SV2C: variants seen among roughly 807,000 people sequenced by gnomAD.
The protein encoded by SV2C is solute carrier family 22 member B3.
In SV2C, 49 loss-of-function variants were observed where a neutral mutation model predicts 79.7. That is an observed-to-expected ratio of 0.61 (90% confidence interval 0.49 to 0.78). SV2C has a LOEUF of 0.78. SV2C is among the 30% of genes least tolerant of loss of function. The probability of loss-of-function intolerance (pLI) is 0.00; values close to 1 mark genes in which losing one functional copy is unlikely to be tolerated. For synonymous variants in SV2C, 334 were observed against 333.2 expected, an observed-to-expected ratio of 1.00 and a Z score of -0.03; for missense variants, 833 against 912.9, an observed-to-expected ratio of 0.91 and a Z score of 1.13.
At chr5:75,994,606 GA>G in the SV2C span, among the ~76,000 whole-genome samples, 1 of 152,192 alleles carries the variant, frequency 6.6e-6, no homozygotes, top group East Asian at 1.9e-4. Flanking sequence ...CTTTTTAACT[GA>G]AGGAATATTT....
chr5:76,309,311 A>G (rs1748321892), intron 12 of SV2C, among the ~76,000 whole-genome samples: 1 of 152,078 alleles, frequency 6.6e-6, no homozygotes, highest in South Asian at 2.1e-4. Flanking sequence ...CTTAAGTTGT[A>G]GGTTGGAGGC....
chr5:76,090,550 G>T (rs1747340951), intron 1 of SV2C, among the ~76,000 whole-genome samples: 2 of 152,014 alleles, frequency 1.3e-5, no homozygotes, highest in Admixed American at 1.3e-4. Context: ...AGTGTGTTCA[G>T]ACCTTTAGAT....
chr5:76,336,404 C>T (rs2112581843), downstream of SV2C, among the ~76,000 whole-genome samples: 1 of 151,620 alleles, frequency 6.6e-6, no homozygotes, highest in African/African-American at 2.4e-5. Flanking sequence ...TCCTCACCCT[C>T]CAGACTGGGC....
chr5:75,956,681 T>C, the SV2C span, among the ~76,000 whole-genome samples: 1 of 151,966 alleles, frequency 6.6e-6, no homozygotes, highest in Non-Finnish European at 1.5e-5. Context: ...GCAAGTATAC[T>C]ACACCAAAGT....
intron 4 of SV2C, among the ~76,000 whole-genome samples, chr5:76,255,548 G>T (rs1378353404): frequency 1.3e-5 from 2 of 152,076 alleles, no homozygotes; most frequent in African/African-American, 2.4e-5. Flanking sequence ...TGGTCCTTTG[G>T]CCCCACTGTC....
At chr5:75,956,188 C>A in the SV2C span, among the ~76,000 whole-genome samples, 1 of 143,466 alleles carries the variant, frequency 7.0e-6, no homozygotes, top group African/African-American at 2.5e-5. Flanking sequence ...AAATGTGGCA[C>A]ATATACACCA....
the SV2C span, among the ~76,000 whole-genome samples, chr5:76,050,477 G>T: frequency 6.6e-6 from 1 of 152,260 alleles, no homozygotes; most frequent in East Asian, 1.9e-4. Context: ...TAACAACAAG[G>T]TTCCCCCACA....
At chr5:76,248,743 A>G (rs1746023453) in intron 4 of SV2C, among the ~76,000 whole-genome samples, 1 of 151,534 alleles carries the variant, frequency 6.6e-6, no homozygotes. Context: ...CTCAGCCTCC[A>G]AAGTAGCTGG....
intron 1 of SV2C, among the ~76,000 whole-genome samples, chr5:76,094,393 AT>A (rs1459922038): frequency 1.3e-5 from 2 of 152,208 alleles, no homozygotes; most frequent in African/African-American, 4.8e-5. Flanking sequence ...TATACTTGAA[AT>A]TCAAATAAAA....
the SV2C span, among the ~76,000 whole-genome samples, chr5:75,868,593 AG>A: frequency 6.6e-6 from 1 of 152,234 alleles, no homozygotes; most frequent in Non-Finnish European, 1.5e-5. Context: ...AAACTAACTA[AG>A]AAAACCCAAA....
At chr5:76,033,151 TTTGTCAGATGAGTAGG>T in the SV2C span, among the ~76,000 whole-genome samples, 90 of 152,288 alleles carry the variant, frequency 5.9e-4, no homozygotes, top group Middle Eastern at 3.4e-3. Context: ...ATATTAGCCC[TTTGTCAGATGAGTAGG>T]TTGCAAAAAT....
At chr5:76,248,244 T>C (rs1384997232) in intron 4 of SV2C, among the ~76,000 whole-genome samples, 1 of 152,186 alleles carries the variant, frequency 6.6e-6, no homozygotes, top group Non-Finnish European at 1.5e-5. Flanking sequence ...ACTGGGTGGC[T>C]TCAACTGCAG....
chr5:76,205,997 G>C (rs1744597049), intron 3 of SV2C, among the ~76,000 whole-genome samples: 1 of 152,100 alleles, frequency 6.6e-6, no homozygotes, highest in Non-Finnish European at 1.5e-5. Flanking sequence ...TGATACATGG[G>C]AATTTAAGGA....
upstream of SV2C, among the ~76,000 whole-genome samples, chr5:76,082,989 G>C (rs774549121): frequency 1.8e-4 from 27 of 152,194 alleles, no homozygotes; most frequent in Non-Finnish European, 3.4e-4. Context: ...GACCTGACCC[G>C]GGGCGCCGCC....
chr5:76,184,627 G>A lies in SV2C; in HGVS notation c.581-10292G>A, dbSNP rs190384097. 3.1e-3 allele frequency among the ~76,000 whole-genome samples: 471 copies of A among 152,314 alleles called. 3 individuals are homozygous for A. The highest frequency in any genetic ancestry group is 4.9e-3 in the Non-Finnish European group (336 of 68,030). On this transcript the variant is annotated intron_variant, in intron 2 of 12. Transcript: ENST00000502798. ...GCAGGAGAGAGAATGAGTGCTGAGCGAAGGGGGGAAGCCCCTTGTAAAACT... is the reference window on the plus strand; with the variant it reads ...GCAGGAGAGAGAATGAGTGCTGAGCAAAGGGGGGAAGCCCCTTGTAAAACT...
the SV2C span, among the ~76,000 whole-genome samples, chr5:75,897,431 C>G: frequency 6.6e-6 from 1 of 151,648 alleles, no homozygotes; most frequent in South Asian, 2.1e-4. Context: ...ATCTATATCT[C>G]TGTTTTAGTA....
At chr5:76,306,804 C>G (rs1748209320) in intron 12 of SV2C, among the ~76,000 whole-genome samples, 1 of 152,176 alleles carries the variant, frequency 6.6e-6, no homozygotes, top group Admixed American at 6.5e-5. Context: ...AAATGCTCAG[C>G]TTCACTAATA....
intron 4 of SV2C, among the ~76,000 whole-genome samples, chr5:76,284,717 G>T (rs2112494948): frequency 6.6e-6 from 1 of 152,294 alleles, no homozygotes; most frequent in Non-Finnish European, 1.5e-5. Flanking sequence ...CTGTTCTCTT[G>T]CCTTCCTTCC....
the SV2C span, among the ~76,000 whole-genome samples, chr5:75,906,108 G>C: frequency 6.6e-6 from 1 of 151,794 alleles, no homozygotes; most frequent in East Asian, 1.9e-4. Flanking sequence ...GCTAGGAAAG[G>C]CATGGAGCAG....
Sources: gnomAD v4.1 joint callset for allele counts (sites outside exome capture counted in the v4.1 genomes callset) on GRCh38, gnomAD v4.1.1 for gene constraint, MANE v1.5 for transcripts, NCBI Gene and HGNC (gene_info 2026-07-23, HGNC 2026-07-21) for gene names.